PCNX2: variants seen among roughly 807,000 people sequenced by gnomAD.
The protein encoded by PCNX2 is pecanex 2.
A neutral mutation model predicts 223.8 loss-of-function variants in PCNX2; 168 were observed. The ratio of observed to expected loss-of-function variants is 0.75; its 90% CI spans 0.66 to 0.85. The LOEUF is 0.85. PCNX2 is among the 40% of genes least tolerant of loss of function. The pLI, the probability that PCNX2 is intolerant of heterozygous loss-of-function variation, is 0.00. For synonymous variants in PCNX2, 1,006 were observed against 1,052.6 expected (o/e 0.96, Z 0.86); for missense variants, 2,507 against 2,675.5 (o/e 0.94, Z 1.39).
chr1:233,096,059 A>G (rs1350637961), intron 21 of PCNX2, among the ~76,000 whole-genome samples, 196 bp from the exon 22 acceptor site: 4 of 152,226 alleles, frequency 2.6e-5, no homozygotes, highest in African/African-American at 9.6e-5. Flanking sequence ...TAGGCTGATC[A>G]GAAGAAATCT....
rs369886650 is a variant in PCNX2, at chr1:233,235,957, A to AAAAATATATATAT, written c.2358+887_2358+888insATATATATATTTT. 2.2e-3 allele frequency among the ~76,000 whole-genome samples: 209 copies of AAAAATATATATAT among 93,064 alleles called. 1 individual carries two copies. The highest frequency in any genetic ancestry group is 8.4e-3 in the South Asian group (24 of 2,870). 61.1% of individuals were successfully genotyped at this position (93,064 alleles called of 152,430 possible). On this transcript the variant is annotated intron_variant, in intron 9 of 33. Transcript: ENST00000258229. Reference sequence around the variant, plus strand: ...ATGTGGCAAAGCAATCATAAAAAAAAATATATATATATATATATATATATA... The same window carrying AAAAATATATATAT: ...ATGTGGCAAAGCAATCATAAAAAAAAAAAATATATATATATATATATATATATATATATATATA...
At chr1:233,275,082 A>C (rs983376501) in intron 1 of PCNX2, among the ~76,000 whole-genome samples, 1 of 152,248 alleles carries the variant, frequency 6.6e-6, no homozygotes, top group Non-Finnish European at 1.5e-5. Context: ...CAAAAACAGT[A>C]AAGTGTGATA....
chr1:233,053,616 A>G (rs1672085080), intron 25 of PCNX2, among the ~76,000 whole-genome samples: 1 of 152,214 alleles, frequency 6.6e-6, no homozygotes, highest in Non-Finnish European at 1.5e-5. Flanking sequence ...GAAAACATGC[A>G]ATGAGTAAAG....
At chr1:233,131,609 G>A (rs2102759514) in intron 21 of PCNX2, among the ~76,000 whole-genome samples, 1 of 152,202 alleles carries the variant, frequency 6.6e-6, no homozygotes, top group Middle Eastern at 3.4e-3. Flanking sequence ...AAAACTCATT[G>A]TCATCAGCTC....
chr1:232,984,417 A>G lies in PCNX2; in HGVS notation c.6301T>C (p.Cys2101Arg), dbSNP rs1235065860. The change falls in exon 34 of 34, where the codon TGT becomes CGT. Residue 2101 changes from cysteine (C) to arginine (R), a missense_variant. By Grantham distance (180) the Cys-to-Arg change is radical. Coordinates refer to ENST00000258229, the MANE Select transcript of PCNX2 (RefSeq NM_014801.4). ...GTGTCCGCCACAGCCTCAGCCAGACATCGGTCATGAAGCTGCCCCTGCTCG... is the reference window on the plus strand; with the variant it reads ...GTGTCCGCCACAGCCTCAGCCAGACGTCGGTCATGAAGCTGCCCCTGCTCG... ...ATEQGQLHDR[C>R]LAEAVADTLG... The G allele has an allele frequency of 3.1e-6, 5 of 1,613,658 alleles. No individual in the cohort carries two copies. The highest frequency in any genetic ancestry group is 1.7e-4 in the Middle Eastern group (1 of 6,060).
chr1:233,307,256 T>C, the PCNX2 span, among the ~76,000 whole-genome samples: 1,614 of 152,232 alleles, frequency 0.011, 28 homozygotes, highest in African/African-American at 0.036. Flanking sequence ...TGGAGGTGGG[T>C]GTGGTGGGAG....
chr1:233,218,209 CAAAAAAAAAAAA>C (rs34818026), intron 10 of PCNX2, 25 bp from the exon 11 acceptor site: 86 of 275,586 alleles, frequency 3.1e-4, no homozygotes, highest in South Asian at 1.4e-3. Flanking sequence ...TACATAAAAG[CAAAAAAAAAAAA>C]AAAAAAAAAA....
chr1:233,192,041 C>G (rs1680448462), intron 15 of PCNX2, among the ~76,000 whole-genome samples: 1 of 152,162 alleles, frequency 6.6e-6, no homozygotes, highest in Non-Finnish European at 1.5e-5. Context: ...TAGTGTATTA[C>G]TGAAACATGT....
intron 19 of PCNX2, among the ~76,000 whole-genome samples, chr1:233,149,637 C>T (rs895385196): frequency 1.3e-5 from 2 of 152,168 alleles, no homozygotes; most frequent in African/African-American, 4.8e-5. Context: ...TCTCAGCTAT[C>T]ATCAAGTTCT....
rs1313922549 is a variant in PCNX2, at chr1:232,991,399, TGA to T, written c.5792-4861_5792-4860del. On this transcript the variant is annotated intron_variant, in intron 32 of 33. Coordinates refer to ENST00000258229, the MANE Select transcript of PCNX2 (RefSeq NM_014801.4). The surrounding 1 kb of genome is among the most constrained non-coding windows in gnomAD (Gnocchi z 4.3). ...GGGCTGAGAGAAGGGAGAGAAGGCG[TGA>T]GAGAGAGAGCAGACCAGATGGGGGC... Among the ~76,000 whole-genome samples the T allele has an allele frequency of 6.6e-6, 1 of 151,442 alleles. No individual in the cohort carries two copies.
intron 8 of PCNX2, among the ~76,000 whole-genome samples, chr1:233,248,788 G>A (rs568870441): frequency 1.4e-4 from 22 of 152,048 alleles, no homozygotes; most frequent in South Asian, 2.1e-4. Context: ...CAAGCCACAC[G>A]CCTCACAAGA....
chr1:233,172,570 T>C (rs1280302736), intron 17 of PCNX2: 1 of 984,506 alleles, frequency 1.0e-6, no homozygotes, highest in Non-Finnish European at 1.2e-6. Context: ...CCCAGGCTGA[T>C]GATCCATGGT....
chr1:233,235,986 A>ATATATATATATATATATATG (rs71173262), intron 9 of PCNX2, among the ~76,000 whole-genome samples: 2 of 138,284 alleles, frequency 1.4e-5, no homozygotes, highest in Non-Finnish European at 3.2e-5. Context: ...ATATATATAT[A>ATATATATATATATATATATG]ATTATATTAT....
intron 21 of PCNX2, among the ~76,000 whole-genome samples, chr1:233,114,154 A>T (rs1675274855): frequency 2.0e-5 from 3 of 152,328 alleles, no homozygotes; most frequent in Middle Eastern, 3.4e-3. Context: ...AAAAGGGTGA[A>T]AGGATTGGAA....
At chr1:233,049,976 CAA>C (rs1210898031) in intron 25 of PCNX2, among the ~76,000 whole-genome samples, 1 of 151,792 alleles carries the variant, frequency 6.6e-6, no homozygotes, top group Non-Finnish European at 1.5e-5. Flanking sequence ...ATGGATGACA[CAA>C]ACAAATGGGA....
At chr1:233,087,426 A>C (rs755441584) in intron 23 of PCNX2, among the ~76,000 whole-genome samples, 1 of 152,180 alleles carries the variant, frequency 6.6e-6, no homozygotes, top group Admixed American at 6.5e-5. Context: ...ACTAGTACAA[A>C]ATTAAACAGG....
At chr1:233,008,240 T>C (rs1410889871) in intron 28 of PCNX2, among the ~76,000 whole-genome samples, 1 of 152,154 alleles carries the variant, frequency 6.6e-6, no homozygotes, top group Non-Finnish European at 1.5e-5. Context: ...CCCAGCTCTC[T>C]CCTACCTGGT....
intron 12 of PCNX2, chr1:233,211,975 T>A: frequency 5.8e-6 from 1 of 173,426 alleles, no homozygotes; most frequent in Non-Finnish European, 1.1e-5. Flanking sequence ...CCTGTGACAT[T>A]ATGGTCACGT....
At chr1:233,035,743 T>C (rs918457786) in intron 25 of PCNX2, among the ~76,000 whole-genome samples, 1 of 152,210 alleles carries the variant, frequency 6.6e-6, no homozygotes, top group African/African-American at 2.4e-5. Context: ...TATTCCTGAA[T>C]TGATCAGGGC....
Sources: allele counts gnomAD v4.1 joint callset (sites outside exome capture counted in the v4.1 genomes callset), GRCh38; gene constraint gnomAD v4.1.1; non-coding constraint Gnocchi (gnomAD v3.1); transcripts MANE v1.5; gene names NCBI Gene and HGNC (gene_info 2026-07-23, HGNC 2026-07-21).